ADGB: variants seen among roughly 807,000 people sequenced by gnomAD.
ADGB encodes androglobin.
A neutral mutation model predicts 210.5 loss-of-function variants in ADGB; 172 were observed. That is an observed-to-expected ratio of 0.82 (90% CI 0.72 to 0.93). ADGB has a LOEUF of 0.93. Ranked by LOEUF, ADGB falls within the 40% of genes least tolerant of loss-of-function variation. The probability of loss-of-function intolerance (pLI) is 0.00; values close to 1 mark genes in which losing one functional copy is unlikely to be tolerated. For missense variants in ADGB, 2,025 were observed against 1,964.8 expected, an observed-to-expected ratio of 1.03 and a Z score of -0.58; for synonymous variants, 658 against 662.7, an observed-to-expected ratio of 0.99 and a Z score of 0.11.
intron 1 of ADGB, among the ~76,000 whole-genome samples, chr6:146,625,177 C>T (rs761302745): frequency 5.3e-5 from 8 of 151,984 alleles, no homozygotes; most frequent in Non-Finnish European, 1.0e-4. Context: ...TTGTGATTCT[C>T]TACTGTGTTT....
At position 146,794,658 on chromosome 6, in the gene ADGB, T is replaced by C. The variant is rs9497631; in HGVS notation, c.4537+6048T>C. Among the ~76,000 whole-genome samples, 1,141 of 152,090 alleles carry C rather than the reference T, an allele frequency of 7.5e-3. 18 individuals carry two copies. Among genetic ancestry groups the C allele is most frequent in the African/African-American group, 0.026 (1,075 of 41,488 alleles). On this transcript the variant is annotated intron_variant, in intron 33 of 35. Transcript: ENST00000397944. ...GGAAAGGGGGGTGGGACCTGGGGAATAGGAGAGTGAGAACTTGACACATCC... is the reference window on the plus strand; with the variant it reads ...GGAAAGGGGGGTGGGACCTGGGGAACAGGAGAGTGAGAACTTGACACATCC...
chr6:146,734,003 A>C lies in ADGB; in HGVS notation c.2767A>C (p.Arg923=). The change falls in exon 22 of 36, where the codon AGA becomes CGA. Residue 923 remains arginine, a synonymous_variant. Transcript: ENST00000397944. The part of the protein sequence containing the change: ...IQAMWRGTYV[R]LLMKARIPDT... ...AGCCATGTGGAGAGGAACTTACGTTAGATTGCTTATGAAAGCCAGAATACC... is the reference window on the plus strand; with the variant it reads ...AGCCATGTGGAGAGGAACTTACGTTCGATTGCTTATGAAAGCCAGAATACC... 6.4e-7 allele frequency: 1 copy of C among 1,551,586 alleles called. No individual in the cohort carries two copies. The highest frequency in any genetic ancestry group is 8.7e-7 in the Non-Finnish European group (1 of 1,146,912).
At chr6:146,755,883 A>G (rs1777399447) in intron 27 of ADGB, among the ~76,000 whole-genome samples, 1 of 152,102 alleles carries the variant, frequency 6.6e-6, no homozygotes, top group Non-Finnish European at 1.5e-5. Flanking sequence ...GCAAATTACT[A>G]GAAATAACTG....
chr6:146,717,965 T>G (rs1776758566), intron 16 of ADGB, among the ~76,000 whole-genome samples: 1 of 152,214 alleles, frequency 6.6e-6, no homozygotes, highest in South Asian at 2.1e-4. Context: ...CACTCCACCA[T>G]TATGCCTGCA....
At chr6:146,682,090 C>G (rs941477974) in intron 9 of ADGB, among the ~76,000 whole-genome samples, 6 of 151,990 alleles carry the variant, frequency 3.9e-5, no homozygotes, top group African/African-American at 1.4e-4. Context: ...AATATCACAT[C>G]TGAAAAAAAT....
intron 35 of ADGB, among the ~76,000 whole-genome samples, chr6:146,809,842 A>T (rs1778278126): frequency 6.6e-6 from 1 of 152,204 alleles, no homozygotes; most frequent in Non-Finnish European, 1.5e-5. Context: ...TAACATTGGA[A>T]CTCATAAAAT....
At chr6:146,784,564 G>T in intron 30 of ADGB, 54 bp from the exon 31 acceptor site, 2 of 1,352,428 alleles carry the variant, frequency 1.5e-6, no homozygotes, top group South Asian at 3.3e-5. Flanking sequence ...GTAAAATCTA[G>T]ACCCTTTTGA....
At chr6:146,726,295 C>T in intron 19 of ADGB, 98 bp downstream of exon 19, 1 of 740,336 alleles carries the variant, frequency 1.4e-6, no homozygotes, top group Non-Finnish European at 2.2e-6. Context: ...GATCTTGGCT[C>T]ACTGCAACCT....
intron 1 of ADGB, among the ~76,000 whole-genome samples, chr6:146,624,280 C>A (rs1028168022): frequency 2.0e-5 from 3 of 151,652 alleles, no homozygotes; most frequent in Admixed American, 6.6e-5. Flanking sequence ...TATCTCCAAT[C>A]CAATTTATTT....
chr6:146,620,691 G>C (rs1270408400), intron 1 of ADGB, among the ~76,000 whole-genome samples: 2 of 151,636 alleles, frequency 1.3e-5, no homozygotes, highest in Non-Finnish European at 2.9e-5. Context: ...TTTTTAGATT[G>C]TTTTCCAAAT....
intron 3 of ADGB, among the ~76,000 whole-genome samples, chr6:146,649,263 A>G (rs1381723318): frequency 2.0e-5 from 3 of 151,632 alleles, no homozygotes. Flanking sequence ...CTGATAACTC[A>G]GAAGATTTAT....
intron 26 of ADGB, among the ~76,000 whole-genome samples, chr6:146,751,881 A>T (rs949385017): frequency 3.9e-5 from 6 of 152,124 alleles, no homozygotes; most frequent in African/African-American, 1.4e-4. Flanking sequence ...CTAGGATTTG[A>T]TGATAATAAA....
chr6:146,802,692 G>A lies in ADGB; in HGVS notation c.4818+681G>A, dbSNP rs980796898. On this transcript the variant is annotated intron_variant, in intron 35 of 35. Transcript: ENST00000397944. ...GCTTTTTAAAAGAAAAAATAGTTTT[G>A]ATTTCTTCCACAGTTCACAGTTCTC... 6 of 1,073,114 alleles carry A rather than the reference G, an allele frequency of 5.6e-6. No homozygotes were observed. The African/African-American group carries it at 9.6e-5, about 17-fold the overall frequency. 66.5% of individuals were successfully genotyped at this position (1,073,114 alleles called of 1,614,324 possible).
chr6:146,803,223 T>C (rs1583647101), intron 35 of ADGB: 1 of 1,545,674 alleles, frequency 6.5e-7, no homozygotes, highest in Non-Finnish European at 8.9e-7. Context: ...CAATCTCATA[T>C]TCCTGCTGAA....
intron 20 of ADGB, among the ~76,000 whole-genome samples, chr6:146,729,958 C>A (rs1300473970): frequency 2.0e-5 from 3 of 152,084 alleles, no homozygotes; most frequent in Non-Finnish European, 4.4e-5. Context: ...CCAGTTGTGA[C>A]AACTGAAAAA....
intron 27 of ADGB, among the ~76,000 whole-genome samples, chr6:146,756,838 G>A (rs921710037): frequency 1.3e-5 from 2 of 151,094 alleles, no homozygotes; most frequent in African/African-American, 2.4e-5. Flanking sequence ...AGTGATTCTC[G>A]TGCCTTAGCC....
At chr6:146,678,767 A>G (rs1455352020) in intron 9 of ADGB, among the ~76,000 whole-genome samples, 2 of 152,212 alleles carry the variant, frequency 1.3e-5, no homozygotes, top group African/African-American at 2.4e-5. Flanking sequence ...TATCCAATGC[A>G]TATCCTAATA....
At chr6:146,761,101 T>C (rs2114621976) in intron 27 of ADGB, among the ~76,000 whole-genome samples, 1 of 152,126 alleles carries the variant, frequency 6.6e-6, no homozygotes, top group East Asian at 1.9e-4. Context: ...TTTTAATTTT[T>C]ATAAAATTGG....
intron 20 of ADGB, among the ~76,000 whole-genome samples, chr6:146,730,109 C>T (rs909005748): frequency 6.6e-6 from 1 of 152,120 alleles, no homozygotes; most frequent in Non-Finnish European, 1.5e-5. Flanking sequence ...AAGTATACTA[C>T]TGTCCTAGTA....
Sources: allele counts gnomAD v4.1 joint callset (sites outside exome capture counted in the v4.1 genomes callset), GRCh38; gene constraint gnomAD v4.1.1; transcripts MANE v1.5; gene names NCBI Gene and HGNC (gene_info 2026-07-23, HGNC 2026-07-21).